CFAP54: variants seen among roughly 807,000 people sequenced by gnomAD.
CFAP54 encodes the protein cilia and flagella associated protein 54.
A neutral mutation model predicts 370.4 loss-of-function variants in CFAP54; 290 were observed. The observed-to-expected ratio is 0.78, with a 90% CI of 0.71 to 0.86. The LOEUF is 0.86. CFAP54 is among the 40% of genes least tolerant of loss of function. The probability of loss-of-function intolerance (pLI) is 0.00; values close to 1 mark genes in which losing one functional copy is unlikely to be tolerated. For synonymous variants in CFAP54, 1,206 were observed against 1,236.5 expected, an observed-to-expected ratio of 0.98 and a Z score of 0.52; for missense variants, 3,399 against 3,528.7, an observed-to-expected ratio of 0.96 and a Z score of 0.93.
chr12:96,556,600 C>CATGTATGTTCATTGCAGCACTATTCACA (rs1955754775), intron 17 of CFAP54, among the ~76,000 whole-genome samples: 1 of 152,026 alleles, frequency 6.6e-6, no homozygotes, highest in East Asian at 1.9e-4. Flanking sequence ...GTCACATGCA[C>CATGTATGTTCATTGCAGCACTATTCACA]ATGTATGTTC....
chr12:96,842,424 T>A (rs932109743), intron 66 of CFAP54, among the ~76,000 whole-genome samples: 13 of 152,194 alleles, frequency 8.5e-5, no homozygotes, highest in Admixed American at 3.9e-4. Context: ...TGTCCTTTAG[T>A]AATTCCACCC....
rs146935478 is a variant in CFAP54 at position 96,859,149 on chromosome 12, A to G, written c.9172-1670A>G. On this transcript the variant is annotated intron_variant, in intron 66 of 67. Transcript: ENST00000524981. ...TCAACAGAGGTGACAAAAAAAAGCA[A>G]TGGGGAAAAGGCTTCCTCTTCAATA... Among the ~76,000 whole-genome samples, 8 of 152,304 alleles carry G rather than the reference A, an allele frequency of 5.3e-5. No homozygotes were observed. The East Asian group carries it at 9.6e-4, about 18-fold the overall frequency.
chr12:96,570,213 G>T lies in CFAP54; in HGVS notation c.2619+5448G>T, dbSNP rs187327814. On this transcript the variant is annotated intron_variant, in intron 19 of 67. Transcript: ENST00000524981. ...GGTCTCGAAATCCTGGGTTCAAGGGGTCCGCTTTCCTCAGTCTCCCAAAGT... is the reference window on the plus strand; with the variant it reads ...GGTCTCGAAATCCTGGGTTCAAGGGTTCCGCTTTCCTCAGTCTCCCAAAGT... Among the ~76,000 whole-genome samples the T allele has an allele frequency of 2.5e-3, 378 of 152,062 alleles. 1 individual carries two copies. The highest frequency in any genetic ancestry group is 8.7e-3 in the African/African-American group (362 of 41,518).
chr12:96,808,801 C>T (rs1163817872), intron 63 of CFAP54, among the ~76,000 whole-genome samples: 3 of 152,046 alleles, frequency 2.0e-5, no homozygotes, highest in Non-Finnish European at 4.4e-5. Flanking sequence ...AACAGGACTG[C>T]GTCAATTACT....
chr12:96,795,940 G>GGGAC (rs1272252837), intron 63 of CFAP54, among the ~76,000 whole-genome samples: 4 of 152,126 alleles, frequency 2.6e-5, no homozygotes, highest in African/African-American at 4.8e-5. Flanking sequence ...GTCTTCCCTG[G>GGGAC]GGACTGAGAG....
At chr12:96,655,339 C>T (rs1244895345) in intron 36 of CFAP54, among the ~76,000 whole-genome samples, 2 of 151,444 alleles carry the variant, frequency 1.3e-5, no homozygotes, top group African/African-American at 2.4e-5. Context: ...ACTACCTTAC[C>T]TCCTATGTGA....
intron 66 of CFAP54, among the ~76,000 whole-genome samples, chr12:96,839,944 G>A (rs887656703): frequency 1.3e-4 from 20 of 152,198 alleles, no homozygotes; most frequent in African/African-American, 3.4e-4. Flanking sequence ...ACAAGAGAAC[G>A]AAGTAGATGC....
chr12:96,601,884 C>T (rs551480002), intron 26 of CFAP54, among the ~76,000 whole-genome samples: 117 of 151,984 alleles, frequency 7.7e-4, no homozygotes, highest in African/African-American at 2.7e-3. Flanking sequence ...TCTATCAATT[C>T]TGTTGATCTT....
intron 60 of CFAP54, among the ~76,000 whole-genome samples, chr12:96,767,009 C>T (rs1333711820): frequency 2.6e-5 from 4 of 152,160 alleles, no homozygotes; most frequent in Non-Finnish European, 5.9e-5. Flanking sequence ...GGGGTATGAT[C>T]TTCTCATGGT....
At chr12:96,744,261 G>A in intron 55 of CFAP54, 115 bp downstream of exon 55, 1 of 898,970 alleles carries the variant, frequency 1.1e-6, no homozygotes, top group African/African-American at 1.7e-5. Context: ...TGAATACTCA[G>A]GCTCCATTTA....
At chr12:96,843,513 G>C (rs140436076) in intron 66 of CFAP54, among the ~76,000 whole-genome samples, 2 of 152,336 alleles carry the variant, frequency 1.3e-5, no homozygotes, top group African/African-American at 4.8e-5. Flanking sequence ...TTGGGATAGA[G>C]TAGGTTCTGC....
chr12:96,682,229 C>T (rs1957281298), intron 40 of CFAP54: 1 of 985,354 alleles, frequency 1.0e-6, no homozygotes, highest in African/African-American at 1.7e-5. Flanking sequence ...ATGTCAATAC[C>T]CCCTGACCTT....
chr12:96,627,125 T>C (rs1480001459), intron 30 of CFAP54, among the ~76,000 whole-genome samples, 186 bp downstream of exon 30: 2 of 152,122 alleles, frequency 1.3e-5, no homozygotes, highest in African/African-American at 4.8e-5. Context: ...ATATATACAA[T>C]GTACTCACAA....
intron 36 of CFAP54, among the ~76,000 whole-genome samples, chr12:96,653,857 CAT>C (rs1316623774): frequency 2.0e-5 from 3 of 150,684 alleles, no homozygotes; most frequent in Non-Finnish European, 4.4e-5. Context: ...CTAGTATACT[CAT>C]AGAAATACTG....
chr12:96,770,731 G>A lies in CFAP54; in HGVS notation c.8281+5513G>A, dbSNP rs147178181. The stretch of plus-strand genomic sequence containing the variant: ...AGCTATCTTACTTGATTTCATTTAT[G>A]TTTCAGGAAAATCCTGTGGGAGTGT... On this transcript the variant is annotated intron_variant, in intron 60 of 67. Coordinates refer to ENST00000524981, the MANE Select transcript of CFAP54 (RefSeq NM_001306084.2). 3.6e-3 allele frequency among the ~76,000 whole-genome samples: 555 copies of A among 152,340 alleles called. 2 individuals carry two copies. Among genetic ancestry groups the A allele is most frequent in the Middle Eastern group, 0.027 (8 of 294 alleles).
In CFAP54 at chr12:96,564,603, T is replaced by C. The variant is rs1367259945; in HGVS notation, c.2498-41T>C. 1.4e-5 allele frequency: 9 copies of C among 665,988 alleles called. No individual in the cohort carries two copies. The Admixed American group carries it at 1.9e-4, about 14-fold the overall frequency. 41.3% of individuals were successfully genotyped at this position (665,988 alleles called of 1,614,324 possible). On this transcript the variant is annotated intron_variant, in intron 18 of 67. Coordinates refer to ENST00000524981, the MANE Select transcript of CFAP54 (RefSeq NM_001306084.2). ...TATTTCCAAAAAATTTGGAAGATAG[T>C]TTTTAATCTCACCTTTTTGGTAAAA...
intron 50 of CFAP54, among the ~76,000 whole-genome samples, chr12:96,723,561 C>T (rs1335278234): frequency 1.3e-5 from 2 of 152,008 alleles, no homozygotes; most frequent in Non-Finnish European, 2.9e-5. Context: ...TGGTGACCTT[C>T]ACAGGAGTAA....
At chr12:96,833,656 T>C (rs1959177668) in intron 66 of CFAP54, among the ~76,000 whole-genome samples, 1 of 152,026 alleles carries the variant, frequency 6.6e-6, no homozygotes, top group Non-Finnish European at 1.5e-5. Context: ...AGATGTATTA[T>C]ATAAGGAGAT....
At chr12:96,675,832 G>A (rs879778748) in intron 39 of CFAP54, among the ~76,000 whole-genome samples, 32 of 151,406 alleles carry the variant, frequency 2.1e-4, no homozygotes, top group African/African-American at 5.8e-4. Flanking sequence ...GCAAACTATC[G>A]CAAGGACAAA....
Sources: gnomAD v4.1 joint callset for allele counts (sites outside exome capture counted in the v4.1 genomes callset) on GRCh38, gnomAD v4.1.1 for gene constraint, MANE v1.5 for transcripts, NCBI Gene and HGNC (gene_info 2026-07-23, HGNC 2026-07-21) for gene names.